Variants in SRPK2 observed in about 807,000 individuals in gnomAD.
The protein encoded by SRPK2 is SFRS protein kinase 2.
SRPK2 carries 21 observed loss-of-function variants against 90.8 expected under a neutral mutation model. That is an observed-to-expected ratio of 0.23 (90% CI 0.16 to 0.33). The LOEUF (loss-of-function observed/expected upper bound fraction) is 0.33, where lower values mean the gene tolerates loss of function less well. Ranked by LOEUF, SRPK2 falls within the 10% of genes least tolerant of loss-of-function variation. SRPK2 has a pLI of 1.00. For synonymous variants in SRPK2, 288 were observed against 311.1 expected (o/e 0.93, Z 0.78); for missense variants, 620 against 869.0 (o/e 0.71, Z 3.60).
intron 2 of SRPK2, among the ~76,000 whole-genome samples, chr7:105,259,709 C>A (rs1183995498): frequency 6.6e-6 from 1 of 152,146 alleles, no homozygotes; most frequent in Non-Finnish European, 1.5e-5. Context: ...TGGAACAGAA[C>A]AGAGGCCTCA....
chr7:105,389,958 CTT>C (rs1296630314), upstream of SRPK2, among the ~76,000 whole-genome samples: 2 of 152,130 alleles, frequency 1.3e-5, no homozygotes, highest in Non-Finnish European at 2.9e-5. Flanking sequence ...GAGTCCTTAA[CTT>C]TTTATATTCA....
chr7:105,333,754 T>C (rs562580956), intron 2 of SRPK2, among the ~76,000 whole-genome samples: 1 of 152,312 alleles, frequency 6.6e-6, no homozygotes, highest in South Asian at 2.1e-4. Context: ...TTATAAACAG[T>C]ATCATGCTTT....
In SRPK2 at chr7:105,296,568, T is replaced by C. The variant is rs553884899; in HGVS notation, c.71+92080A>G. Among the ~76,000 whole-genome samples the C allele has an allele frequency of 3.3e-5, 5 of 152,316 alleles. No individual in the cohort carries two copies. The East Asian group carries it at 9.6e-4, about 29-fold the overall frequency. ...ATAATAAAGTATAACTTAGAGGAAT[T>C]ACAGTGAAACAGGAGAGGAAAGAAA... On this transcript the variant is annotated intron_variant, in intron 2 of 15. Coordinates refer to ENST00000393651, the MANE Select transcript of SRPK2 (RefSeq NM_182692.3).
chr7:105,287,658 C>T (rs865925903), intron 2 of SRPK2, among the ~76,000 whole-genome samples: 30 of 152,074 alleles, frequency 2.0e-4, no homozygotes, highest in African/African-American at 7.0e-4. Context: ...ATCGCTTGAA[C>T]CCAGGAGGTG....
At chr7:105,304,295 A>T (rs1810911313) in intron 2 of SRPK2, 2 of 152,262 alleles carry the variant, frequency 1.3e-5, no homozygotes, top group Admixed American at 1.3e-4. Context: ...TATCCAGGTT[A>T]TTCACCAAAC....
intron 2 of SRPK2, among the ~76,000 whole-genome samples, chr7:105,310,036 C>G (rs994640941): frequency 6.6e-6 from 1 of 152,214 alleles, no homozygotes; most frequent in Admixed American, 6.5e-5. Flanking sequence ...AATCCTCCCT[C>G]TGGGGGTGAG....
intron 2 of SRPK2, among the ~76,000 whole-genome samples, chr7:105,337,856 T>C (rs549381209): frequency 1.3e-5 from 2 of 152,072 alleles, no homozygotes; most frequent in East Asian, 3.9e-4. Context: ...ACTAAGACAG[T>C]GATGTATATA....
intron 2 of SRPK2, among the ~76,000 whole-genome samples, chr7:105,341,748 C>T (rs1442376207): frequency 1.3e-5 from 2 of 152,042 alleles, no homozygotes; most frequent in Admixed American, 1.3e-4. Context: ...TGGGTGATCA[C>T]CTGATACCAG....
rs949440119 is a variant in SRPK2, at chr7:105,201,087, G to A, written c.229+2541C>T. Among the ~76,000 whole-genome samples, 7 of 152,308 alleles carry A rather than the reference G, an allele frequency of 4.6e-5. No individual in the cohort carries two copies. In the East Asian group the frequency reaches 9.6e-4, roughly 21 times the overall value. On this transcript the variant is annotated intron_variant, in intron 3 of 15. Transcript: ENST00000393651. ...TTAGCTCAACCAGTCCTGGCAGAGG[G>A]TGAGGGGATTTATCTCTTTATCCAA...
intron 2 of SRPK2, among the ~76,000 whole-genome samples, chr7:105,249,534 C>T (rs1253680718): frequency 6.6e-6 from 1 of 151,778 alleles, no homozygotes; most frequent in Non-Finnish European, 1.5e-5. Flanking sequence ...TACTAAGTTC[C>T]CAGACTCTAA....
At chr7:105,253,090 G>A (rs368439597) in intron 2 of SRPK2, among the ~76,000 whole-genome samples, 1 of 152,020 alleles carries the variant, frequency 6.6e-6, no homozygotes, top group Non-Finnish European at 1.5e-5. Flanking sequence ...AATTAACTGC[G>A]TAAAACCTAG....
At chr7:105,157,446 T>G (rs1806675836) in intron 7 of SRPK2, among the ~76,000 whole-genome samples, 1 of 152,098 alleles carries the variant, frequency 6.6e-6, no homozygotes, top group African/African-American at 2.4e-5. Flanking sequence ...ACTGAAAACA[T>G]AGGCTGAATC....
chr7:105,187,681 G>A (rs2129602884), intron 3 of SRPK2, among the ~76,000 whole-genome samples: 1 of 152,284 alleles, frequency 6.6e-6, no homozygotes, highest in South Asian at 2.1e-4. Flanking sequence ...TACCAACACA[G>A]GCAAAATTAC....
At chr7:105,129,975 T>A (rs1801766566) in intron 13 of SRPK2, among the ~76,000 whole-genome samples, 1 of 152,178 alleles carries the variant, frequency 6.6e-6, no homozygotes, top group African/African-American at 2.4e-5. Context: ...AAAAGTCCTA[T>A]CAGAGACTCT....
At chr7:105,346,664 G>A (rs1166016303) in intron 2 of SRPK2, among the ~76,000 whole-genome samples, 5 of 151,922 alleles carry the variant, frequency 3.3e-5, no homozygotes, top group Admixed American at 3.3e-4. Flanking sequence ...TGAGGCAGAA[G>A]AACTGATTGA....
intron 2 of SRPK2, among the ~76,000 whole-genome samples, chr7:105,219,510 C>T (rs1585221223): frequency 6.6e-6 from 1 of 152,154 alleles, no homozygotes; most frequent in East Asian, 1.9e-4. Context: ...CTAGGTTCTG[C>T]TCCTATATGC....
At chr7:105,310,449 C>A (rs1811581580) in intron 2 of SRPK2, among the ~76,000 whole-genome samples, 2 of 152,072 alleles carry the variant, frequency 1.3e-5, no homozygotes, top group Admixed American at 1.3e-4. Context: ...TCAAGACCAG[C>A]CTGGGCAACA....
intron 2 of SRPK2, among the ~76,000 whole-genome samples, chr7:105,251,786 C>A (rs938413203): frequency 3.3e-5 from 5 of 152,076 alleles, no homozygotes; most frequent in Admixed American, 1.3e-4. Flanking sequence ...GTGATGGGTA[C>A]AAGAATTGAA....
intron 2 of SRPK2, among the ~76,000 whole-genome samples, chr7:105,230,388 G>A (rs915444251): frequency 2.0e-5 from 3 of 152,132 alleles, no homozygotes; most frequent in East Asian, 1.9e-4. Context: ...GGTGGACACC[G>A]ACACTGGAGA....
Sources: gnomAD v4.1 joint callset for allele counts (sites outside exome capture counted in the v4.1 genomes callset) on GRCh38, gnomAD v4.1.1 for gene constraint, MANE v1.5 for transcripts, NCBI Gene and HGNC (gene_info 2026-07-23, HGNC 2026-07-21) for gene names.